CHD3: variants seen among roughly 807,000 people sequenced by gnomAD.
The protein encoded by CHD3 is ATP-dependent chromatin remodeler CHD3.
Under a neutral mutation model 248.9 loss-of-function variants are expected in CHD3, and 52 were observed. The ratio of observed to expected loss-of-function variants is 0.21; its 90% CI spans 0.17 to 0.26. The LOEUF (loss-of-function observed/expected upper bound fraction) is 0.26. Ranked by LOEUF, CHD3 falls within the 10% of genes least tolerant of loss-of-function variation. The pLI is 1.00. For synonymous variants in CHD3, 985 were observed against 985.2 expected (o/e 1.00, Z 0.00); for missense variants, 1,482 against 2,605.8 (o/e 0.57, Z 9.39).
rs1281496305 is a variant in CHD3 at position 7,906,279 on chromosome 17, G to A, written c.4359-274G>A. ...CACATTTACTTGACCACAATAACCT[G>A]GCAGGAGGAGCTGGTGGAAAGGATG... On this transcript the variant is annotated intron_variant, in intron 28 of 39. Coordinates refer to ENST00000330494, the MANE Select transcript of CHD3 (RefSeq NM_001005273.3). The surrounding 1 kb of genome is among the most constrained non-coding windows in gnomAD (Gnocchi z 5.0). 16 of 688,078 alleles carry A rather than the reference G, an allele frequency of 2.3e-5. No homozygotes were observed. In the Admixed American group the frequency reaches 3.4e-4, roughly 14 times the overall value. 42.6% of individuals were successfully genotyped at this position (688,078 alleles called of 1,614,324 possible).
Position 7,894,142 on chromosome 17 carries a change from G to C in CHD3, c.952G>C (p.Glu318Gln). ...SYVFQSDEGPEPEAEESDLDS... is the reference protein window; with the variant it reads ...SYVFQSDEGPQPEAEESDLDS... ...TGTTTTTCAGAGCGACGAAGGTCCT[G>C]AACCAGAGGCTGAGGAATCAGACCT... The change falls in exon 7 of 40, where the codon GAA becomes CAA. Residue 318 changes from glutamate to glutamine, a missense_variant. Around this residue, in one of 20 missense-constraint regions of CHD3, gnomAD observed 149 missense variants for 182.6 expected, o/e 0.82. Coordinates refer to ENST00000330494, the MANE Select transcript of CHD3 (RefSeq NM_001005273.3). The C allele has an allele frequency of 6.2e-7, 1 of 1,614,154 alleles. No homozygotes were observed. The highest frequency in any genetic ancestry group is 1.1e-5 in the South Asian group (1 of 91,072).
In CHD3 at chr17:7,893,487, C is replaced by T. The variant is rs199898244; in HGVS notation, c.711C>T (p.Ser237=). 1.9e-5 allele frequency: 30 copies of T among 1,584,798 alleles called. No individual in the cohort carries two copies. The highest frequency in any genetic ancestry group is 1.2e-4 in the African/African-American group (9 of 73,814). ...AVSSATPIAP[S]GPPALPPPPA... Reference sequence around the variant, plus strand: ...CGTCGGCCACCCCCATAGCACCCTCCGGACCCCCCGCCCTTCCACCACCCC... The same window carrying T: ...CGTCGGCCACCCCCATAGCACCCTCTGGACCCCCCGCCCTTCCACCACCCC... The change falls in exon 5 of 40, where the codon TCC becomes TCT. Residue 237 remains serine (S), a synonymous_variant. Transcript: ENST00000330494.
At position 7,904,094 on chromosome 17, in the gene CHD3, A is replaced by G; in HGVS notation, c.3894+103A>G. 1 of 1,245,184 alleles carries G rather than the reference A, an allele frequency of 8.0e-7. No homozygotes were observed. The highest frequency in any genetic ancestry group is 1.4e-5 in the South Asian group (1 of 70,324). 77.1% of individuals were successfully genotyped at this position (1,245,184 alleles called of 1,614,324 possible). A position where few individuals can be genotyped will look rare whatever the true frequency, so the allele number is the denominator to read the frequency against. ...TAGGAGGGTCTGTCCCCCTTAAAAC[A>G]GTAGTGGACCTCAAACAACTTCTTC... On this transcript the variant is annotated intron_variant, in intron 24 of 39. Coordinates refer to ENST00000330494, the MANE Select transcript of CHD3 (RefSeq NM_001005273.3). This position sits in a 1 kb window ranked among gnomAD's most constrained non-coding sequence, Gnocchi z 4.4.
At position 7,907,877 on chromosome 17, in the gene CHD3, CCTGT is replaced by C; in HGVS notation, c.5027-11_5027-8del. 1 of 1,606,106 alleles carries C rather than the reference CCTGT, an allele frequency of 6.2e-7. No individual in the cohort carries two copies. Among genetic ancestry groups the C allele is most frequent in the Non-Finnish European group, 8.5e-7 (1 of 1,174,720 alleles). On this transcript the variant is annotated splice_polypyrimidine_tract_variant and intron_variant, in intron 33 of 39. Transcript: ENST00000330494. The surrounding 1 kb of genome is among the most constrained non-coding windows in gnomAD (Gnocchi z 4.3). ...GGGTGTCCTGAGGTGTGAGCTTTGA[CCTGT>C]CTGTCCTAGCAGAAGATGTAAAAGG...
At chr17:7,885,930 G>A (rs939049463), upstream of CHD3, among the ~76,000 whole-genome samples, 3 of 152,246 alleles carry the variant, frequency 2.0e-5, no homozygotes, top group Admixed American at 2.0e-4. Flanking sequence ...GGGGAGCGGA[G>A]AGAAGAGTGT....
rs1232127490 is a variant in CHD3, at chr17:7,910,160, TTTTC to T, written c.5591-261_5591-258del. 5 of 308,656 alleles carry T rather than the reference TTTTC, an allele frequency of 1.6e-5. No individual in the cohort carries two copies. In the Admixed American group the frequency reaches 2.0e-4, roughly 12 times the overall value. The allele number at this position is 308,656 out of a possible 1,614,324, so 19.1% of individuals were successfully genotyped here. ...CATCTTCCTTTCCTCCATGCTCCCT[TTTTC>T]TTTCTTCTTTCTCTCCATCTGTCTT... On this transcript the variant is annotated intron_variant, in intron 37 of 39. Coordinates refer to ENST00000330494, the MANE Select transcript of CHD3 (RefSeq NM_001005273.3). The surrounding 1 kb of genome is among the most constrained non-coding windows in gnomAD (Gnocchi z 4.7).
Position 7,899,017 on chromosome 17 carries a change from G to C in CHD3, c.2158G>C (p.Val720Leu). Residue 720 changes from valine (V) to leucine (L), a missense_variant, in exon 14 of 40, where the codon GTG becomes CTG. This residue lies in a region of CHD3 where 127 missense variants were observed against 188.3 expected (regional missense o/e 0.67). Coordinates refer to ENST00000330494, the MANE Select transcript of CHD3 (RefSeq NM_001005273.3). The surrounding 1 kb of genome is among the most constrained non-coding windows in gnomAD (Gnocchi z 6.8). ...PPSSPTNDPT[V>L]KYETQPRFIT... ...TGACTTCTTGTCTCTATAGCCTACC[G>C]TGAAATATGAGACTCAGCCACGGTT... 1 of 1,613,984 alleles carries C rather than the reference G, an allele frequency of 6.2e-7. No homozygotes were observed. Among genetic ancestry groups the C allele is most frequent in the Non-Finnish European group, 8.5e-7 (1 of 1,179,898 alleles).
In CHD3 at chr17:7,894,461, C is replaced by T. The variant is rs1418782007; in HGVS notation, c.1122C>T (p.Tyr374=). ...CCGGGGAGGAGGAGGTTGATGGCTA[C>T]GAGACGGATCACCAGGATTACTGTG... The part of the protein sequence containing the change: ...AVAGEEEVDG[Y]ETDHQDYCEV... Residue 374 remains tyrosine, a synonymous_variant, in exon 8 of 40, where the codon TAC becomes TAT. Transcript: ENST00000330494. The T allele has an allele frequency of 1.4e-5, 22 of 1,613,942 alleles. No homozygotes were observed. The highest frequency in any genetic ancestry group is 2.2e-5 in the East Asian group (1 of 44,880).
Position 7,906,425 on chromosome 17 carries a change from G to A in CHD3, c.4359-128G>A. ...GGTAATGGTGAGAGTGAGAGGCCCA[G>A]GGGAGGAGCCCTGGAGCACCTGGGG... On this transcript the variant is annotated intron_variant, in intron 28 of 39. Transcript: ENST00000330494. The surrounding 1 kb of genome is among the most constrained non-coding windows in gnomAD (Gnocchi z 5.0). The A allele has an allele frequency of 7.4e-6, 7 of 941,166 alleles. No individual in the cohort carries two copies. In the South Asian group the frequency reaches 9.1e-5, roughly 12 times the overall value. 58.3% of individuals were successfully genotyped at this position (941,166 alleles called of 1,614,324 possible).
Position 7,910,639 on chromosome 17 carries a change from C to G in CHD3, c.5754+48C>G. 1 of 1,575,744 alleles carries G rather than the reference C, an allele frequency of 6.3e-7. No individual in the cohort carries two copies. Among genetic ancestry groups the G allele is most frequent in the Non-Finnish European group, 8.6e-7 (1 of 1,161,412 alleles). On this transcript the variant is annotated intron_variant, in intron 38 of 39. Transcript: ENST00000330494. This position sits in a 1 kb window ranked among gnomAD's most constrained non-coding sequence, Gnocchi z 4.7. ...CCAGTTTTCCCTGTTTGTGTTCCTCCTGCACACATACAAACACTTCCATCA... is the reference window on the plus strand; with the variant it reads ...CCAGTTTTCCCTGTTTGTGTTCCTCGTGCACACATACAAACACTTCCATCA...
Position 7,908,364 on chromosome 17 carries a change from A to G in CHD3, c.5153-38A>G, listed in dbSNP as rs1971248460. ...CTGTTGGACTGAGTGCAGTCTGCAA[A>G]ACCCTGTTACCTCTTCTGTCTGCTG... On this transcript the variant is annotated intron_variant, in intron 34 of 39. Transcript: ENST00000330494. This position sits in a 1 kb window ranked among gnomAD's most constrained non-coding sequence, Gnocchi z 5.8. The G allele has an allele frequency of 6.4e-7, 1 of 1,551,924 alleles. No individual in the cohort carries two copies. The highest frequency in any genetic ancestry group is 1.8e-5 in the Admixed American group (1 of 55,818).
In CHD3 at chr17:7,906,016, T is replaced by C. The variant is rs1567866601; in HGVS notation, c.4358+27T>C. 6.2e-7 allele frequency: 1 copy of C among 1,612,324 alleles called. No homozygotes were observed. On this transcript the variant is annotated intron_variant, in intron 28 of 39. Coordinates refer to ENST00000330494, the MANE Select transcript of CHD3 (RefSeq NM_001005273.3). This position sits in a 1 kb window ranked among gnomAD's most constrained non-coding sequence, Gnocchi z 5.0. ...TGAGTGTGGGTGATACAGGGCTGAG[T>C]TGGACGCAAGGGGAAGAGCTTTGGG... is the stretch of plus-strand genomic sequence containing the variant.
rs1971242693 is a variant in CHD3 at position 7,908,284 on chromosome 17, C to G, written c.5153-118C>G. On this transcript the variant is annotated intron_variant, in intron 34 of 39. Transcript: ENST00000330494. The surrounding 1 kb of genome is among the most constrained non-coding windows in gnomAD (Gnocchi z 5.8). ...TTCCAAACCTAACCTTTACCCATTC[C>G]TCTTCAGGAGCCCTTAGTTCCCTTT... The G allele has an allele frequency of 5.6e-6, 5 of 895,532 alleles. No homozygotes were observed. In the East Asian group the frequency reaches 1.3e-4, roughly 24 times the overall value. 55.5% of individuals were successfully genotyped at this position (895,532 alleles called of 1,614,324 possible).
At chr17:7,898,982 T>C in intron 13 of CHD3, 29 bp from the exon 14 acceptor site, 1 of 1,605,860 alleles carries the variant, frequency 6.2e-7, no homozygotes, top group Non-Finnish European at 8.5e-7. Context: ...GACTATTTCC[T>C]TGAGCTTTCT....
Position 7,890,567 on chromosome 17 carries a change from T to G in CHD3, c.214-4T>G. On this transcript the variant is annotated splice_region_variant and splice_polypyrimidine_tract_variant and intron_variant, in intron 2 of 39. Transcript: ENST00000330494. ...TAAATGTTATTTTTATTTCTTTCTC[T>G]TAGGACAGTGAGGAGGAATTTGGTT... is the stretch of plus-strand genomic sequence containing the variant. The G allele has an allele frequency of 1.3e-6, 2 of 1,566,032 alleles. No individual in the cohort carries two copies. The highest frequency in any genetic ancestry group is 1.7e-6 in the Non-Finnish European group (2 of 1,158,510).
rs567528323 is a variant in CHD3, at chr17:7,902,899, G to A, written c.3371-38G>A. On this transcript the variant is annotated intron_variant, in intron 21 of 39. Coordinates refer to ENST00000330494, the MANE Select transcript of CHD3 (RefSeq NM_001005273.3). ...CTAGGAGCAGGTGGACAGAACTACC[G>A]GGTACAAGAAAAACCTGATCCAACT... The A allele has an allele frequency of 2.5e-4, 396 of 1,611,826 alleles. 6 individuals carry two copies. The South Asian group carries it at 4.1e-3, about 17-fold the overall frequency.
At position 7,910,309 on chromosome 17, in the gene CHD3, C is replaced by G; in HGVS notation, c.5591-119C>G. On this transcript the variant is annotated intron_variant, in intron 37 of 39. Transcript: ENST00000330494. The surrounding 1 kb of genome is among the most constrained non-coding windows in gnomAD (Gnocchi z 4.7). ...TCTCTGGTTCTTTGACATCTGTGTT[C>G]TCCTCTCTCGCTCTTTTTCTGCCTG... 5.8e-6 allele frequency: 7 copies of G among 1,205,254 alleles called. No individual in the cohort carries two copies. Among genetic ancestry groups the G allele is most frequent in the Non-Finnish European group, 6.1e-6 (5 of 818,644 alleles). 74.7% of individuals were successfully genotyped at this position (1,205,254 alleles called of 1,614,324 possible). A position where few individuals can be genotyped will look rare whatever the true frequency, so the allele number is the denominator to read the frequency against.
Position 7,908,915 on chromosome 17 carries a change from A to C in CHD3, c.5394+86A>C, listed in dbSNP as rs1013338965. On this transcript the variant is annotated intron_variant, in intron 36 of 39. Coordinates refer to ENST00000330494, the MANE Select transcript of CHD3 (RefSeq NM_001005273.3). This position sits in a 1 kb window ranked among gnomAD's most constrained non-coding sequence, Gnocchi z 5.8. ...ATCTAGTTGGAACCTAGGGAAGGTT[A>C]ACACCTTCAGGGCTGAGGTGATACC... 1.3e-6 allele frequency: 2 copies of C among 1,562,022 alleles called. No individual in the cohort carries two copies.
chr17:7,904,675 CT>C lies in CHD3; in HGVS notation c.4072+58del. 6.7e-7 allele frequency: 1 copy of C among 1,494,462 alleles called. No homozygotes were observed. Among genetic ancestry groups the C allele is most frequent in the South Asian group, 1.2e-5 (1 of 83,646 alleles). The allele number at this position is 1,494,462 out of a possible 1,614,324, so 92.6% of individuals were successfully genotyped here. On this transcript the variant is annotated intron_variant, in intron 25 of 39. Transcript: ENST00000330494. This position sits in a 1 kb window ranked among gnomAD's most constrained non-coding sequence, Gnocchi z 4.4. ...GGGGGGAAGTGATGATGAGTAGGGA[CT>C]TGAAGGCTGGAGCTATTTAGAGGGA...
Sources: allele counts gnomAD v4.1 joint callset (sites outside exome capture counted in the v4.1 genomes callset), GRCh38; gene constraint gnomAD v4.1.1; regional missense constraint gnomAD v4.1.1; non-coding constraint Gnocchi (gnomAD v3.1); transcripts MANE v1.5; gene names NCBI Gene and HGNC (gene_info 2026-07-23, HGNC 2026-07-21).